The following NPAS3 variants were observed in gnomAD, a reference collection of about 807,000 sequenced individuals.
NPAS3 encodes neuronal PAS domain-containing protein 3.
Under a neutral mutation model 73.1 loss-of-function variants are expected in NPAS3, and 14 were observed. That is an observed-to-expected ratio of 0.19 (90% CI 0.13 to 0.30). The LOEUF (loss-of-function observed/expected upper bound fraction) is 0.30, where lower values mean the gene tolerates loss of function less well. Among genes scored for constraint, NPAS3 ranks in the 10% least tolerant of loss-of-function variants. The probability of loss-of-function intolerance (pLI) is 1.00; values close to 1 mark genes in which losing one functional copy is unlikely to be tolerated. For missense variants in NPAS3, 1,096 were observed against 1,250.0 expected (o/e 0.88, Z 1.86); for synonymous variants, 620 against 541.5 (o/e 1.14, Z -2.01).
Position 33,015,763 on chromosome 14 carries a change from C to G in NPAS3, c.51-40142C>G, listed in dbSNP as rs186977173. Among the ~76,000 whole-genome samples the G allele has an allele frequency of 7.3e-4, 111 of 152,258 alleles. 1 individual carries two copies. The highest frequency in any genetic ancestry group is 2.5e-3 in the African/African-American group (105 of 41,560). On this transcript the variant is annotated intron_variant, in intron 1 of 11. Coordinates refer to ENST00000356141, the Ensembl canonical transcript of NPAS3. Reference sequence around the variant, plus strand: ...CTCAAGAAGGAAATACACTAAAATGCTAAAGAAATTACCTACGGGCAGTAA... The same window carrying G: ...CTCAAGAAGGAAATACACTAAAATGGTAAAGAAATTACCTACGGGCAGTAA...
chr14:33,372,490 A>G (rs942810090), intron 4 of NPAS3, among the ~76,000 whole-genome samples: 1 of 152,104 alleles, frequency 6.6e-6, no homozygotes, highest in African/African-American at 2.4e-5. Flanking sequence ...TACAAAGCCA[A>G]TTTTCAATAC....
chr14:33,680,270 T>C (rs1396346044), intron 6 of NPAS3, among the ~76,000 whole-genome samples: 1 of 152,212 alleles, frequency 6.6e-6, no homozygotes, highest in African/African-American at 2.4e-5. Flanking sequence ...CTGGAGGAAC[T>C]TTAAAACTCT....
chr14:33,143,968 T>C (rs1017463937), intron 2 of NPAS3, among the ~76,000 whole-genome samples: 4 of 152,238 alleles, frequency 2.6e-5, no homozygotes, highest in Non-Finnish European at 4.4e-5. Context: ...TGTTGCTGGA[T>C]ATTTGAGTTG....
chr14:33,403,459 C>T (rs926696306), intron 4 of NPAS3, among the ~76,000 whole-genome samples: 7 of 152,014 alleles, frequency 4.6e-5, no homozygotes, highest in African/African-American at 9.7e-5. Context: ...TTCACTTAGA[C>T]GAGCAGGAAC....
chr14:32,981,350 T>C lies in NPAS3; in HGVS notation c.50+41984T>C, dbSNP rs559317550. On this transcript the variant is annotated intron_variant, in intron 1 of 11. Coordinates refer to ENST00000356141, the Ensembl canonical transcript of NPAS3. Reference sequence around the variant, plus strand: ...AAAACATCTTTCATCTGAAGGGCTTTTGTAAATGGAACATGCATCTTGAGA... The same window carrying C: ...AAAACATCTTTCATCTGAAGGGCTTCTGTAAATGGAACATGCATCTTGAGA... 2.6e-5 allele frequency among the ~76,000 whole-genome samples: 4 copies of C among 152,348 alleles called. No homozygotes were observed. The East Asian group carries it at 7.7e-4, about 29-fold the overall frequency.
chr14:33,675,399 G>T (rs1485285842), intron 5 of NPAS3, among the ~76,000 whole-genome samples: 1 of 152,154 alleles, frequency 6.6e-6, no homozygotes, highest in Non-Finnish European at 1.5e-5. Flanking sequence ...TCTATTTCAG[G>T]CTGAAACAGT....
At chr14:33,695,569 G>C (rs577057784) in intron 6 of NPAS3, among the ~76,000 whole-genome samples, 1 of 152,180 alleles carries the variant, frequency 6.6e-6, no homozygotes, top group South Asian at 2.1e-4. Flanking sequence ...TTCGACTTTG[G>C]CTTATAAAAC....
At chr14:33,420,121 A>C (rs1306458719) in intron 4 of NPAS3, among the ~76,000 whole-genome samples, 1 of 152,006 alleles carries the variant, frequency 6.6e-6, no homozygotes, top group Admixed American at 6.6e-5. Flanking sequence ...AGAGGCTGCT[A>C]AATTTTTGTC....
intron 1 of NPAS3, among the ~76,000 whole-genome samples, chr14:32,961,228 A>T (rs1252052249): frequency 1.3e-5 from 2 of 152,030 alleles, no homozygotes; most frequent in Non-Finnish European, 2.9e-5. Context: ...CCTGGCCAAC[A>T]TGGTGAAACC....
At chr14:33,686,009 A>G (rs1261298990) in intron 6 of NPAS3, among the ~76,000 whole-genome samples, 2 of 152,236 alleles carry the variant, frequency 1.3e-5, no homozygotes, top group Admixed American at 6.5e-5. Context: ...CTATTTATAC[A>G]TAGTCGACAA....
intron 5 of NPAS3, among the ~76,000 whole-genome samples, chr14:33,610,188 A>G (rs760487297): frequency 3.9e-5 from 6 of 152,338 alleles, no homozygotes; most frequent in East Asian, 1.9e-4. Context: ...ATTCATTAAT[A>G]AAAAGGAAAA....
chr14:33,280,184 T>G (rs1238982167), intron 3 of NPAS3, among the ~76,000 whole-genome samples: 1 of 152,096 alleles, frequency 6.6e-6, no homozygotes, highest in Non-Finnish European at 1.5e-5. Flanking sequence ...TTTCACCCAT[T>G]TATTCCAGTG....
At chr14:32,952,217 TACTC>T (rs899088056) in intron 1 of NPAS3, among the ~76,000 whole-genome samples, 2 of 152,080 alleles carry the variant, frequency 1.3e-5, no homozygotes, top group African/African-American at 4.8e-5. Flanking sequence ...CCCAAAGAAA[TACTC>T]AGTTCTACAA....
rs539178777 is a variant in NPAS3 at position 33,294,254 on chromosome 14, T to G, written c.386-72932T>G. 3.9e-5 allele frequency among the ~76,000 whole-genome samples: 6 copies of G among 152,328 alleles called. No individual in the cohort carries two copies. In the East Asian group the frequency reaches 1.2e-3, roughly 29 times the overall value. On this transcript the variant is annotated intron_variant, in intron 3 of 11. Coordinates refer to ENST00000356141, the Ensembl canonical transcript of NPAS3. ...TCTCTCTATTCTTCACCCACATTGGTCTTCTTTCAGTTTCTAGAAGTCTCC... is the reference window on the plus strand; with the variant it reads ...TCTCTCTATTCTTCACCCACATTGGGCTTCTTTCAGTTTCTAGAAGTCTCC...
At chr14:33,769,965 A>C (rs11848395) in intron 7 of NPAS3, among the ~76,000 whole-genome samples, 63,428 of 151,300 alleles carry the variant, frequency 0.42, 13,514 homozygotes, top group East Asian at 0.69. Context: ...GAGTCTCCCT[A>C]TGTTGCCCAA....
chr14:33,156,908 T>C (rs1409602992), intron 2 of NPAS3, among the ~76,000 whole-genome samples: 1 of 152,308 alleles, frequency 6.6e-6, no homozygotes, highest in South Asian at 2.1e-4. Context: ...TCAGCTTGCA[T>C]TATTAACTGA....
intron 6 of NPAS3, among the ~76,000 whole-genome samples, chr14:33,709,460 T>C (rs1259120552): frequency 1.3e-5 from 2 of 152,172 alleles, no homozygotes; most frequent in Non-Finnish European, 2.9e-5. Context: ...GCCTACCCTC[T>C]GAATAAATAA....
intron 4 of NPAS3, among the ~76,000 whole-genome samples, chr14:33,443,072 G>A (rs558131280): frequency 4.6e-5 from 7 of 152,300 alleles, no homozygotes; most frequent in Admixed American, 3.9e-4. Flanking sequence ...AGAAGAGAGA[G>A]CCCTTTACAG....
intron 1 of NPAS3, among the ~76,000 whole-genome samples, chr14:33,004,273 C>T (rs1053382297): frequency 6.6e-6 from 1 of 152,246 alleles, no homozygotes; most frequent in Non-Finnish European, 1.5e-5. Context: ...AGTACATTTA[C>T]ACAAACCTAG....
Sources: gnomAD v4.1 joint callset for allele counts (sites outside exome capture counted in the v4.1 genomes callset) on GRCh38, gnomAD v4.1.1 for gene constraint, MANE v1.5 for transcripts, NCBI Gene and HGNC (gene_info 2026-07-23, HGNC 2026-07-21) for gene names.